ITGB3BP: variants seen among roughly 807,000 people sequenced by gnomAD.
The protein encoded by ITGB3BP is integrin subunit beta 3 binding protein.
In ITGB3BP, 27 loss-of-function variants were observed where a neutral mutation model predicts 29.1. That is an observed-to-expected ratio of 0.93 (90% confidence interval 0.68 to 1.28). The LOEUF is 1.28. Among genes scored for constraint, ITGB3BP ranks in the 50% most tolerant of loss-of-function variants. The pLI is 0.00. For missense variants in ITGB3BP, 192 were observed against 200.2 expected (o/e 0.96, Z 0.25); for synonymous variants, 61 against 61.4 (o/e 0.99, Z 0.03).
intron 7 of ITGB3BP, among the ~76,000 whole-genome samples, chr1:63,452,940 T>C (rs534835321): frequency 3.3e-5 from 5 of 152,294 alleles, no homozygotes; most frequent in African/African-American, 1.2e-4. Flanking sequence ...TTCAATTATG[T>C]GCCATGTTTG....
chr1:63,525,669 G>A, upstream of ITGB3BP: 1 of 1,601,166 alleles, frequency 6.2e-7, no homozygotes, highest in South Asian at 1.1e-5. Flanking sequence ...AACTGAAGAG[G>A]AAATATTTTA....
At chr1:63,469,957 A>G (rs1645168206) in intron 4 of ITGB3BP, among the ~76,000 whole-genome samples, 1 of 152,264 alleles carries the variant, frequency 6.6e-6, no homozygotes, top group African/African-American at 2.4e-5. Flanking sequence ...CGCCCAGGGC[A>G]GAAAACCACT....
At chr1:63,502,146 T>C (rs1645947157) in intron 2 of ITGB3BP, among the ~76,000 whole-genome samples, 1 of 152,200 alleles carries the variant, frequency 6.6e-6, no homozygotes, top group Non-Finnish European at 1.5e-5. Context: ...GGCAACAGTT[T>C]GTAATATATA....
intron 7 of ITGB3BP, among the ~76,000 whole-genome samples, chr1:63,450,165 A>C (rs1004709902): frequency 5.9e-5 from 9 of 151,974 alleles, no homozygotes; most frequent in African/African-American, 1.9e-4. Flanking sequence ...TTTTTAAAAC[A>C]GACCAAAGTT....
At chr1:63,524,584 T>C (rs1306596729), upstream of ITGB3BP, among the ~76,000 whole-genome samples, 3 of 152,212 alleles carry the variant, frequency 2.0e-5, no homozygotes, top group East Asian at 3.9e-4. Context: ...ACTTGAAATA[T>C]TCAATTTATT....
intron 4 of ITGB3BP, among the ~76,000 whole-genome samples, chr1:63,461,110 C>T (rs1645009897): frequency 6.7e-6 from 1 of 150,358 alleles, no homozygotes; most frequent in Non-Finnish European, 1.5e-5. Context: ...AAAAGTTAGC[C>T]AGGCATGGTG....
At chr1:63,493,094 G>GCA (rs1557639844) in intron 2 of ITGB3BP, among the ~76,000 whole-genome samples, 5 of 100,142 alleles carry the variant, frequency 5.0e-5, no homozygotes, top group African/African-American at 1.8e-4. Context: ...ACACACGCGC[G>GCA]CGCGCGCAAG....
At chr1:63,523,254 G>A (rs1427956564), upstream of ITGB3BP, 5 of 1,337,854 alleles carry the variant, frequency 3.7e-6, no homozygotes, top group Admixed American at 7.1e-5. Flanking sequence ...GTTGCGTCAA[G>A]CCCACCGCGG....
At position 63,482,269 on chromosome 1, in the gene ITGB3BP, T is replaced by TTAA. The variant is rs1415005227; in HGVS notation, c.185-3437_185-3436insTTA. Among the ~76,000 whole-genome samples, 4 of 2,578 alleles carry TTAA rather than the reference T, an allele frequency of 1.6e-3. No homozygotes were observed. In the Admixed American group the frequency reaches 0.027, roughly 17 times the overall value. 1.7% of individuals were successfully genotyped at this position (2,578 alleles called of 152,430 possible). The stretch of plus-strand genomic sequence containing the variant: ...GCCTGGGTGACAGAGTGACTCCATC[T>TTAA]CAAAAAAAAAAAAAAAAAAAAAAAG... On this transcript the variant is annotated intron_variant, in intron 3 of 8. Coordinates refer to ENST00000271002, the MANE Select transcript of ITGB3BP (RefSeq NM_014288.5).
At chr1:63,493,864 A>G (rs1437027779) in intron 2 of ITGB3BP, among the ~76,000 whole-genome samples, 1 of 152,208 alleles carries the variant, frequency 6.6e-6, no homozygotes. Context: ...ATACTTTATC[A>G]CTATTTTGAA....
At chr1:63,505,160 A>C (rs186481766) in intron 2 of ITGB3BP, among the ~76,000 whole-genome samples, 318 of 152,196 alleles carry the variant, frequency 2.1e-3, no homozygotes, top group African/African-American at 7.4e-3. Context: ...TTTGGTTGGT[A>C]AGCTAATAAT....
intron 4 of ITGB3BP, among the ~76,000 whole-genome samples, chr1:63,472,443 T>TCCCTCTCCCTCTCCCCCTCCCCTCTC (rs1557623550): frequency 1.1e-5 from 1 of 90,366 alleles, no homozygotes. Context: ...CCTCTCCCTC[T>TCCCTCTCCCTCTCCCCCTCCCCTCTC]CCCTCTCCCC....
At chr1:63,500,856 A>G (rs1284546600) in intron 2 of ITGB3BP, among the ~76,000 whole-genome samples, 1 of 152,198 alleles carries the variant, frequency 6.6e-6, no homozygotes, top group East Asian at 1.9e-4. Flanking sequence ...AACAAAGTTG[A>G]AGGACTCATA....
At chr1:63,489,509 TTAAAC>T (rs1645601090) in intron 3 of ITGB3BP, among the ~76,000 whole-genome samples, 1 of 151,498 alleles carries the variant, frequency 6.6e-6, no homozygotes, top group South Asian at 2.1e-4. Context: ...AAAATTAAAA[TTAAAC>T]TAATAATATT....
intron 4 of ITGB3BP, among the ~76,000 whole-genome samples, chr1:63,473,590 C>T (rs1269556451): frequency 3.1e-4 from 42 of 134,706 alleles, no homozygotes; most frequent in African/African-American, 9.4e-4. Flanking sequence ...GCCCCCTGCC[C>T]GGCCAGCCGC....
chr1:63,447,032 C>A, intron 7 of ITGB3BP, 176 bp from the exon 8 acceptor site: 1 of 567,574 alleles, frequency 1.8e-6, no homozygotes. Flanking sequence ...TATAGTTAGC[C>A]TGATTCTATT....
intron 2 of ITGB3BP, among the ~76,000 whole-genome samples, chr1:63,490,664 G>A (rs887009437): frequency 6.6e-6 from 1 of 152,174 alleles, no homozygotes; most frequent in African/African-American, 2.4e-5. Flanking sequence ...GTGGTCTGAT[G>A]TAGCATCTTG....
chr1:63,467,360 CT>C (rs1645115534), intron 4 of ITGB3BP, among the ~76,000 whole-genome samples: 1 of 146,334 alleles, frequency 6.8e-6, no homozygotes, highest in African/African-American at 2.5e-5. Context: ...TTTTTTTTTT[CT>C]TTTTTTGAGA....
intron 2 of ITGB3BP, among the ~76,000 whole-genome samples, chr1:63,491,704 T>C (rs558885774): frequency 1.6e-4 from 25 of 152,184 alleles, no homozygotes; most frequent in Non-Finnish European, 3.4e-4. Context: ...TTTTAAATAT[T>C]AGGAAACAAT....
Sources: gnomAD v4.1 joint callset for allele counts (sites outside exome capture counted in the v4.1 genomes callset) on GRCh38, gnomAD v4.1.1 for gene constraint, MANE v1.5 for transcripts, NCBI Gene and HGNC (gene_info 2026-07-23, HGNC 2026-07-21) for gene names.